The following SNTG1 variants were observed in gnomAD, a reference collection of about 807,000 sequenced individuals.
SNTG1 encodes syntrophin gamma 1.
In SNTG1, 39 loss-of-function variants were observed where a neutral mutation model predicts 74.7. That is an observed-to-expected ratio of 0.52 (90% confidence interval 0.40 to 0.68). The LOEUF (loss-of-function observed/expected upper bound fraction) is 0.68, where lower values mean the gene tolerates loss of function less well. Ranked by LOEUF, SNTG1 falls within the 30% of genes least tolerant of loss-of-function variation. SNTG1 has a pLI of 0.00. For missense variants in SNTG1, 685 were observed against 609.5 expected (o/e 1.12, Z -1.30); for synonymous variants, 254 against 217.1 (o/e 1.17, Z -1.49).
At chr8:49,929,789 A>C (rs550894548) in intron 1 of SNTG1, among the ~76,000 whole-genome samples, 25 of 151,770 alleles carry the variant, frequency 1.6e-4, no homozygotes, top group African/African-American at 5.1e-4. Context: ...ATATGTATAC[A>C]TGTGCCATGC....
rs180841369 is a variant in SNTG1 at position 50,682,155 on chromosome 8, A to T, written c.1039-22445A>T. On this transcript the variant is annotated intron_variant, in intron 15 of 18. Coordinates refer to ENST00000642720, the MANE Select transcript of SNTG1 (RefSeq NM_018967.5). ...TTCTATAGAAGGGTGTGACTTGCAGATGGAGTAAAGGTGAGGGCACACATG... is the reference window on the plus strand; with the variant it reads ...TTCTATAGAAGGGTGTGACTTGCAGTTGGAGTAAAGGTGAGGGCACACATG... 3.5e-4 allele frequency among the ~76,000 whole-genome samples: 53 copies of T among 152,286 alleles called. 1 individual carries two copies. Among genetic ancestry groups the T allele is most frequent in the African/African-American group, 1.1e-3 (44 of 41,576 alleles).
chr8:50,050,704 T>C (rs1460395578), intron 1 of SNTG1, among the ~76,000 whole-genome samples: 1 of 152,002 alleles, frequency 6.6e-6, no homozygotes, highest in Non-Finnish European at 1.5e-5. Flanking sequence ...AATATTACCT[T>C]GCTATAAAAA....
intron 1 of SNTG1, among the ~76,000 whole-genome samples, chr8:49,971,108 C>A (rs318896): frequency 0.038 from 5,753 of 152,074 alleles, 373 homozygotes; most frequent in African/African-American, 0.13. Flanking sequence ...AACATCGATG[C>A]AAAAATCCTC....
At chr8:50,087,241 G>A (rs756937905) in intron 1 of SNTG1, among the ~76,000 whole-genome samples, 9 of 152,094 alleles carry the variant, frequency 5.9e-5, no homozygotes, top group Non-Finnish European at 1.0e-4. Context: ...ATATAATAAG[G>A]TCTCTCAGTT....
intron 18 of SNTG1, among the ~76,000 whole-genome samples, chr8:50,775,643 G>A (rs2095638727): frequency 6.6e-6 from 1 of 151,572 alleles, no homozygotes; most frequent in Admixed American, 6.6e-5. Flanking sequence ...AGTTGATGGT[G>A]TTTTCTAATT....
chr8:50,378,434 A>G (rs1005401517), intron 2 of SNTG1, among the ~76,000 whole-genome samples: 1 of 152,128 alleles, frequency 6.6e-6, no homozygotes, highest in African/African-American at 2.4e-5. Flanking sequence ...AGCAAGGGGC[A>G]TGTTTCAGCC....
chr8:50,308,933 A>G (rs138472047), intron 2 of SNTG1, among the ~76,000 whole-genome samples: 3 of 152,116 alleles, frequency 2.0e-5, no homozygotes, highest in East Asian at 3.9e-4. Context: ...CATAAACTAG[A>G]TTTTTGTGTG....
chr8:50,735,257 A>G (rs1368422411), intron 17 of SNTG1, among the ~76,000 whole-genome samples: 2 of 151,810 alleles, frequency 1.3e-5, no homozygotes, highest in African/African-American at 2.4e-5. Context: ...TTGAGAAAAT[A>G]TATTCCATGC....
rs2084483750 is a variant in SNTG1, at chr8:50,210,792, T to G, written c.-28+38157T>G. Among the ~76,000 whole-genome samples the G allele has an allele frequency of 4.6e-5, 7 of 152,114 alleles. No homozygotes were observed. The South Asian group carries it at 1.5e-3, about 32-fold the overall frequency. On this transcript the variant is annotated intron_variant, in intron 2 of 18. Coordinates refer to ENST00000642720, the MANE Select transcript of SNTG1 (RefSeq NM_018967.5). Reference sequence around the variant, plus strand: ...AGGATTTTGCAGTAGACCAGTAAATTTAAAAACAAAAACAAAAACAAAAAA... The same window carrying G: ...AGGATTTTGCAGTAGACCAGTAAATGTAAAAACAAAAACAAAAACAAAAAA...
At chr8:50,779,821 A>G (rs150979885) in intron 18 of SNTG1, among the ~76,000 whole-genome samples, 13,998 of 152,094 alleles carry the variant, frequency 0.092, 1,899 homozygotes, top group African/African-American at 0.3. Flanking sequence ...CCAATTCAGT[A>G]TAATATTGGC....
chr8:49,950,798 CT>C (rs1353712385), intron 1 of SNTG1, among the ~76,000 whole-genome samples: 1 of 152,194 alleles, frequency 6.6e-6, no homozygotes, highest in African/African-American at 2.4e-5. Context: ...ACCTTCACAT[CT>C]GCTAAATGTG....
chr8:50,002,062 C>G lies in SNTG1; in HGVS notation c.-103+89831C>G, dbSNP rs79983291. ...AATCAGGTTTGTCATGCACTTAGCA[C>G]CACCAACACTAGACATATTTCATAA... On this transcript the variant is annotated intron_variant, in intron 1 of 18. Coordinates refer to ENST00000642720, the MANE Select transcript of SNTG1 (RefSeq NM_018967.5). Among the ~76,000 whole-genome samples the G allele has an allele frequency of 1.7e-3, 256 of 152,176 alleles. 4 individuals carry two copies. The East Asian group carries it at 0.043, about 25-fold the overall frequency.
chr8:49,921,810 T>A (rs1806570448), intron 1 of SNTG1, among the ~76,000 whole-genome samples: 1 of 152,152 alleles, frequency 6.6e-6, no homozygotes, highest in Non-Finnish European at 1.5e-5. Flanking sequence ...TAAGTGATCA[T>A]GTAAAATATG....
At chr8:50,708,440 A>G (rs1159554543) in intron 16 of SNTG1, 1 of 156,740 alleles carries the variant, frequency 6.4e-6, no homozygotes, top group Non-Finnish European at 1.4e-5. Context: ...ATGTGGTTTA[A>G]TAATATCCAT....
At chr8:50,051,277 C>G (rs1184920485) in intron 1 of SNTG1, among the ~76,000 whole-genome samples, 4 of 145,514 alleles carry the variant, frequency 2.7e-5, no homozygotes, top group South Asian at 2.2e-4. Context: ...CACAAACAAA[C>G]AAGAAGAAAA....
intron 1 of SNTG1, among the ~76,000 whole-genome samples, chr8:49,962,162 C>CA (rs1232175599): frequency 6.6e-6 from 1 of 151,982 alleles, no homozygotes; most frequent in East Asian, 1.9e-4. Flanking sequence ...GTGGGGAGAG[C>CA]ACAGGTGACT....
chr8:50,335,120 G>A (rs1226084372), intron 2 of SNTG1, among the ~76,000 whole-genome samples: 1 of 152,152 alleles, frequency 6.6e-6, no homozygotes, highest in African/African-American at 2.4e-5. Context: ...TTCCTTACTT[G>A]ACCTTGTCTT....
At chr8:49,938,597 C>CTTTTCTTTTTTTTT (rs1554524893) in intron 1 of SNTG1, among the ~76,000 whole-genome samples, 4 of 32,512 alleles carry the variant, frequency 1.2e-4, no homozygotes, top group African/African-American at 4.8e-4. Context: ...CTTTTCTTTT[C>CTTTTCTTTTTTTTT]TTTTCTTTTC....
chr8:50,048,701 T>A (rs1306833917), intron 1 of SNTG1, among the ~76,000 whole-genome samples: 7 of 152,188 alleles, frequency 4.6e-5, no homozygotes, highest in Non-Finnish European at 7.4e-5. Context: ...TTTTTAATAC[T>A]AATTAGTAAA....
Sources: gnomAD v4.1 joint callset for allele counts (sites outside exome capture counted in the v4.1 genomes callset) on GRCh38, gnomAD v4.1.1 for gene constraint, MANE v1.5 for transcripts, NCBI Gene and HGNC (gene_info 2026-07-23, HGNC 2026-07-21) for gene names.